SH3BP5: variants seen among roughly 807,000 people sequenced by gnomAD.
SH3BP5 encodes SH3 domain-binding protein 5.
A neutral mutation model predicts 43.3 loss-of-function variants in SH3BP5; 22 were observed. That is an observed-to-expected ratio of 0.51 (90% confidence interval 0.36 to 0.73). SH3BP5 has a LOEUF of 0.73. SH3BP5 is among the 30% of genes least tolerant of loss of function. The probability of loss-of-function intolerance (pLI) is 0.00; values close to 1 mark genes in which losing one functional copy is unlikely to be tolerated. For synonymous variants in SH3BP5, 255 were observed against 225.8 expected (o/e 1.13, Z -1.16); for missense variants, 529 against 586.9 (o/e 0.90, Z 1.02).
intron 2 of SH3BP5, among the ~76,000 whole-genome samples, chr3:15,325,982 G>A (rs1484352872): frequency 6.6e-6 from 1 of 152,168 alleles, no homozygotes; most frequent in Non-Finnish European, 1.5e-5. Context: ...TTGTGACACT[G>A]CACTCCAGCC....
At chr3:15,318,064 A>T (rs1028849767) in intron 2 of SH3BP5, among the ~76,000 whole-genome samples, 14 of 152,226 alleles carry the variant, frequency 9.2e-5, no homozygotes, top group African/African-American at 2.9e-4. Context: ...TGGCTGTGTG[A>T]CCTGAGAGAA....
At chr3:15,277,192 G>A (rs1696996587) in intron 3 of SH3BP5, among the ~76,000 whole-genome samples, 1 of 152,046 alleles carries the variant, frequency 6.6e-6, no homozygotes. Flanking sequence ...TGGCCAGGCT[G>A]AACTCCTGAC....
At chr3:15,317,520 T>C (rs758022132) in intron 2 of SH3BP5, among the ~76,000 whole-genome samples, 2 of 152,204 alleles carry the variant, frequency 1.3e-5, no homozygotes, top group Non-Finnish European at 2.9e-5. Flanking sequence ...TTCATTGGAA[T>C]AGAACTAGGG....
rs560558398 is a variant in SH3BP5 at position 15,340,824 on chromosome 3, G to A, written c.-402+399C>T. ...TCCTAGCACTTTGGGAAGCTGAGGC[G>A]GGCGGATCACCTGAGGTTGGGAGTT... On this transcript the variant is annotated intron_variant, in intron 1 of 8. Coordinates refer to the SH3BP5 transcript ENST00000408919. 1.8e-4 allele frequency among the ~76,000 whole-genome samples: 28 copies of A among 151,920 alleles called. No individual in the cohort carries two copies. In the South Asian group the frequency reaches 4.8e-3, roughly 26 times the overall value.
intron 4 of SH3BP5, among the ~76,000 whole-genome samples, chr3:15,268,256 A>G (rs1696697912): frequency 6.6e-6 from 1 of 152,202 alleles, no homozygotes; most frequent in African/African-American, 2.4e-5. Flanking sequence ...AAGGAAGCAC[A>G]AGGCCATCTT....
intron 2 of SH3BP5, among the ~76,000 whole-genome samples, chr3:15,307,743 C>G (rs1024873990): frequency 3.9e-5 from 6 of 152,366 alleles, no homozygotes; most frequent in Non-Finnish European, 8.8e-5. Context: ...AGCCGCTCTG[C>G]AAGATGCACT....
intron 4 of SH3BP5, among the ~76,000 whole-genome samples, chr3:15,263,814 C>T (rs2125052574): frequency 6.6e-6 from 1 of 152,346 alleles, no homozygotes; most frequent in East Asian, 1.9e-4. Flanking sequence ...CTTGCGATTT[C>T]TTTCCCTGTC....
rs569000120 is a variant in SH3BP5, at chr3:15,281,683, T to C, written c.331-11806A>G. On this transcript the variant is annotated intron_variant, in intron 3 of 8. Coordinates refer to ENST00000383791, the MANE Select transcript of SH3BP5 (RefSeq NM_004844.5). ...AAACAAGCCCCCTGTAGCTCTCCAATCTTAACACACCATAATGGCAACAAA... is the reference window on the plus strand; with the variant it reads ...AAACAAGCCCCCTGTAGCTCTCCAACCTTAACACACCATAATGGCAACAAA... 1.1e-4 allele frequency among the ~76,000 whole-genome samples: 16 copies of C among 152,162 alleles called. No homozygotes were observed. In the East Asian group the frequency reaches 1.9e-3, roughly 18 times the overall value.
At chr3:15,258,767 AC>A (rs926560058) in intron 7 of SH3BP5, 63 bp downstream of exon 7, 1 of 1,423,616 alleles carries the variant, frequency 7.0e-7, no homozygotes, top group African/African-American at 1.4e-5. Flanking sequence ...GAAAGTGAGG[AC>A]CTTGGGAAAC....
Position 15,300,201 on chromosome 3 carries a change from CT to C in SH3BP5, c.330+3901del, listed in dbSNP as rs201829290. Among the ~76,000 whole-genome samples the C allele has an allele frequency of 8.2e-3, 1,240 of 152,084 alleles. 8 individuals carry two copies. The highest frequency in any genetic ancestry group is 0.011 in the Non-Finnish European group (763 of 67,982). ...TAAGAGAAGGTACTAGGATTATTTTCTTCTGTCTATTTTCTAAATTTTCTAC... is the reference window on the plus strand; with the variant it reads ...TAAGAGAAGGTACTAGGATTATTTTCTCTGTCTATTTTCTAAATTTTCTAC... On this transcript the variant is annotated intron_variant, in intron 3 of 8. Coordinates refer to ENST00000383791, the MANE Select transcript of SH3BP5 (RefSeq NM_004844.5).
intron 3 of SH3BP5, among the ~76,000 whole-genome samples, chr3:15,292,491 C>T (rs762530160): frequency 3.3e-5 from 5 of 152,318 alleles, no homozygotes; most frequent in South Asian, 4.1e-4. Flanking sequence ...GTCCCCCACG[C>T]GGACTTCCTG....
chr3:15,327,161 GACGAC>G (rs1262721848), intron 2 of SH3BP5, among the ~76,000 whole-genome samples: 1 of 151,890 alleles, frequency 6.6e-6, no homozygotes, highest in Non-Finnish European at 1.5e-5. Context: ...GGGGGGTAGC[GACGAC>G]ACGAGATCCG....
chr3:15,321,222 C>G (rs1698317145), intron 2 of SH3BP5, among the ~76,000 whole-genome samples: 1 of 152,126 alleles, frequency 6.6e-6, no homozygotes, highest in African/African-American at 2.4e-5. Context: ...TCTAAATATT[C>G]TTAATATTTG....
chr3:15,284,454 A>G (rs1181770600), intron 3 of SH3BP5, among the ~76,000 whole-genome samples: 1 of 152,218 alleles, frequency 6.6e-6, no homozygotes. Flanking sequence ...CCTGGGTGCT[A>G]CTAGTCTCTA....
chr3:15,305,683 T>A (rs1697883162), intron 2 of SH3BP5, among the ~76,000 whole-genome samples: 1 of 151,858 alleles, frequency 6.6e-6, no homozygotes, highest in African/African-American at 2.4e-5. Flanking sequence ...TGTGTCCAGA[T>A]AAGAGGGGAA....
chr3:15,298,660 T>C (rs1697646606), intron 3 of SH3BP5, among the ~76,000 whole-genome samples: 1 of 152,210 alleles, frequency 6.6e-6, no homozygotes, highest in South Asian at 2.1e-4. Context: ...TGGATGAATG[T>C]TGAGGACATT....
intron 2 of SH3BP5, among the ~76,000 whole-genome samples, chr3:15,312,790 A>G (rs1237240549): frequency 1.3e-5 from 2 of 152,180 alleles, no homozygotes; most frequent in Admixed American, 1.3e-4. Context: ...AAGGAAAACA[A>G]TCCACCAGAA....
chr3:15,331,558 T>C (rs1268747224), intron 1 of SH3BP5, among the ~76,000 whole-genome samples: 1 of 152,220 alleles, frequency 6.6e-6, no homozygotes, highest in Non-Finnish European at 1.5e-5. Context: ...TAATCATCTC[T>C]CTTGGAAATG....
chr3:15,310,159 A>G (rs1698019054), intron 2 of SH3BP5, among the ~76,000 whole-genome samples: 1 of 152,198 alleles, frequency 6.6e-6, no homozygotes, highest in African/African-American at 2.4e-5. Flanking sequence ...GGCGATAGAC[A>G]TGACCCATCA....
Sources: allele counts gnomAD v4.1 joint callset (sites outside exome capture counted in the v4.1 genomes callset), GRCh38; gene constraint gnomAD v4.1.1; transcripts MANE v1.5; gene names NCBI Gene and HGNC (gene_info 2026-07-23, HGNC 2026-07-21).